Variants in AARD observed in about 807,000 individuals in gnomAD.
The protein encoded by AARD is alanine and arginine rich domain containing protein, also known as alanine- and arginine-rich domain-containing protein.
A neutral mutation model predicts 9.3 loss-of-function variants in AARD; 9 were observed. The ratio of observed to expected loss-of-function variants is 0.97; its 90% CI spans 0.58 to 1.69. The LOEUF (loss-of-function observed/expected upper bound fraction) is 1.69. AARD is among the 40% of genes most tolerant of loss of function. The pLI is 0.00. For missense variants in AARD, 236 were observed against 210.3 expected (o/e 1.12, Z -0.76); for synonymous variants, 91 against 93.8 (o/e 0.97, Z 0.17).
Position 116,943,474 on chromosome 8 carries a change from C to CTG in AARD, c.*776_*777dup, listed in dbSNP as rs879292313. 14 of 152,188 alleles carry CTG rather than the reference C, an allele frequency of 9.2e-5. No individual in the cohort carries two copies. Among genetic ancestry groups the CTG allele is most frequent in the Admixed American group, 5.9e-4 (9 of 15,280 alleles). 9.4% of individuals were successfully genotyped at this position (152,188 alleles called of 1,614,324 possible). A position where few individuals can be genotyped will look rare whatever the true frequency, so the allele number is the denominator to read the frequency against. ...ATTCTAACCATGCCCTTTAGGTGGTCTGTGACTAAGGGTATTCCATCTTCC... is the reference window on the plus strand; with the variant it reads ...ATTCTAACCATGCCCTTTAGGTGGTCTGTGTGACTAAGGGTATTCCATCTTCC... On this transcript the variant is annotated 3_prime_UTR_variant, in exon 2 of 2. Coordinates refer to ENST00000378279, the MANE Select transcript of AARD (RefSeq NM_001025357.3).
At chr8:116,941,386 A>G (rs1022647781) in intron 1 of AARD, among the ~76,000 whole-genome samples, 2 of 152,232 alleles carry the variant, frequency 1.3e-5, no homozygotes, top group Non-Finnish European at 2.9e-5. Flanking sequence ...GGGACTGGCA[A>G]GGTTTCTGAC....
In AARD at chr8:116,942,663, T is replaced by C. The variant is rs757228272; in HGVS notation, c.430T>C (p.Ser144Pro). Residue 144 changes from serine to proline, a missense_variant, in exon 2 of 2, where the codon TCC becomes CCC. Transcript: ENST00000378279. ...GTATGAACTGGAAATTACATCAGAC[T>C]CCCAAAGCCCAAAAGATGATGCTGC... ...KEYELEITSD[S>P]QSPKDDAANP... 7 of 1,613,670 alleles carry C rather than the reference T, an allele frequency of 4.3e-6. No homozygotes were observed. The highest frequency in any genetic ancestry group is 5.9e-6 in the Non-Finnish European group (7 of 1,179,940).
intron 1 of AARD, among the ~76,000 whole-genome samples, chr8:116,942,186 C>T (rs537071910): frequency 6.6e-6 from 1 of 151,820 alleles, no homozygotes; most frequent in South Asian, 2.1e-4. Flanking sequence ...TGGCTGTAGG[C>T]AGTTATCCTG....
intron 1 of AARD, among the ~76,000 whole-genome samples, chr8:116,940,346 G>A (rs1341273961): frequency 6.6e-6 from 1 of 152,050 alleles, no homozygotes; most frequent in Non-Finnish European, 1.5e-5. Context: ...GATTACTATA[G>A]ACCTTGGACT....
intron 1 of AARD, among the ~76,000 whole-genome samples, chr8:116,941,602 G>A (rs10100758): frequency 2.7e-3 from 409 of 152,332 alleles, no homozygotes; most frequent in African/African-American, 9.4e-3. Flanking sequence ...AATTCTTGCT[G>A]TCAGAAAAAT....
Position 116,944,406 on chromosome 8 carries a change from C to T in AARD, c.*1705C>T, listed in dbSNP as rs553348532. On this transcript the variant is annotated 3_prime_UTR_variant, in exon 2 of 2. Coordinates refer to ENST00000378279, the MANE Select transcript of AARD (RefSeq NM_001025357.3). ...CGAGATCATGCCCCTGCACTCCAGCCTGGGTGACAGAGGGGGACTTGGCCT... is the reference window on the plus strand; with the variant it reads ...CGAGATCATGCCCCTGCACTCCAGCTTGGGTGACAGAGGGGGACTTGGCCT... 2 of 152,148 alleles carry T rather than the reference C, an allele frequency of 1.3e-5. No homozygotes were observed. Among genetic ancestry groups the T allele is most frequent in the African/African-American group, 2.4e-5 (1 of 41,420 alleles). 9.4% of individuals were successfully genotyped at this position (152,148 alleles called of 1,614,324 possible).
rs1209874164 is a variant in AARD at position 116,944,043 on chromosome 8, T to C, written c.*1342T>C. The C allele has an allele frequency of 6.6e-6, 1 of 152,192 alleles. No individual in the cohort carries two copies. The highest frequency in any genetic ancestry group is 1.5e-5 in the Non-Finnish European group (1 of 68,046). 9.4% of individuals were successfully genotyped at this position (152,192 alleles called of 1,614,324 possible). ...TATTGTCTGCAAAATACAAATTAATTTATAACAAGCTATGTAATTTTAATA... is the reference window on the plus strand; with the variant it reads ...TATTGTCTGCAAAATACAAATTAATCTATAACAAGCTATGTAATTTTAATA... On this transcript the variant is annotated 3_prime_UTR_variant, in exon 2 of 2. Coordinates refer to ENST00000378279, the MANE Select transcript of AARD (RefSeq NM_001025357.3).
intron 1 of AARD, among the ~76,000 whole-genome samples, chr8:116,940,975 T>A (rs544002950): frequency 1.3e-5 from 2 of 152,304 alleles, no homozygotes; most frequent in South Asian, 4.1e-4. Context: ...TGGTAAATCA[T>A]TACCAATAAT....
rs1813697572 is a variant in AARD, at chr8:116,938,378, C to T, written c.135C>T (p.Ile45=). 3 of 1,612,688 alleles carry T rather than the reference C, an allele frequency of 1.9e-6. No homozygotes were observed. The highest frequency in any genetic ancestry group is 1.7e-6 in the Non-Finnish European group (2 of 1,179,890). Reference sequence around the variant, plus strand: ...TCGGGGACGGCAGGAGCACGGACATCCAGGAGGAGGCCCTCGCCGCCAGCC... The same window carrying T: ...TCGGGGACGGCAGGAGCACGGACATTCAGGAGGAGGCCCTCGCCGCCAGCC... The part of the protein sequence containing the change: ...DFFGDGRSTD[I]QEEALAASPL... The change falls in exon 1 of 2, where the codon ATC becomes ATT. Residue 45 remains isoleucine, a synonymous_variant. Transcript: ENST00000378279.
chr8:116,939,384 C>G (rs1231441278), intron 1 of AARD, among the ~76,000 whole-genome samples: 3 of 152,188 alleles, frequency 2.0e-5, no homozygotes, highest in African/African-American at 7.2e-5. Flanking sequence ...GTAATCCTAG[C>G]TCTTTGGGAG....
At chr8:116,941,346 A>G (rs1451592196) in intron 1 of AARD, among the ~76,000 whole-genome samples, 1 of 152,200 alleles carries the variant, frequency 6.6e-6, no homozygotes, top group East Asian at 1.9e-4. Flanking sequence ...GGGGACAGAA[A>G]GAGGTGAGCT....
Position 116,938,395 on chromosome 8 carries a change from C to T in AARD, c.152C>T (p.Ala51Val). 1 of 1,612,300 alleles carries T rather than the reference C, an allele frequency of 6.2e-7. No homozygotes were observed. The highest frequency in any genetic ancestry group is 8.5e-7 in the Non-Finnish European group (1 of 1,179,752). ...RSTDIQEEAL[A>V]ASPLLEDLRR... ...ACGGACATCCAGGAGGAGGCCCTCGCCGCCAGCCCGCTGCTGGAGGACCTC... is the reference window on the plus strand; with the variant it reads ...ACGGACATCCAGGAGGAGGCCCTCGTCGCCAGCCCGCTGCTGGAGGACCTC... The change falls in exon 1 of 2, where the codon GCC (alanine) becomes GTC (valine). Residue 51 changes from alanine to valine, a missense_variant. By Grantham distance (64) the Ala-to-Val change is moderately conservative. Transcript: ENST00000378279.
Position 116,938,233 on chromosome 8 carries a change from G to C in AARD, c.-11G>C. The C allele has an allele frequency of 6.3e-7, 1 of 1,581,450 alleles. No individual in the cohort carries two copies. The highest frequency in any genetic ancestry group is 8.6e-7 in the Non-Finnish European group (1 of 1,163,040). Reference sequence around the variant, plus strand: ...GCAGCAGCGGTAGAGCAGTGACCAGGCGTCTCCGCGATGGGCCCCGGGGAC... The same window carrying C: ...GCAGCAGCGGTAGAGCAGTGACCAGCCGTCTCCGCGATGGGCCCCGGGGAC... On this transcript the variant is annotated 5_prime_UTR_variant, in exon 1 of 2. Coordinates refer to ENST00000378279, the MANE Select transcript of AARD (RefSeq NM_001025357.3).
At chr8:116,942,365 C>T (rs889615023) in intron 1 of AARD, among the ~76,000 whole-genome samples, 193 bp from the exon 2 acceptor site, 1 of 152,068 alleles carries the variant, frequency 6.6e-6, no homozygotes, top group Non-Finnish European at 1.5e-5. Context: ...TGGATTTTAC[C>T]TTGTCATATA....
At chr8:116,939,032 C>T (rs187644183) in intron 1 of AARD, among the ~76,000 whole-genome samples, 1 of 152,196 alleles carries the variant, frequency 6.6e-6, no homozygotes, top group Admixed American at 6.5e-5. Flanking sequence ...AAAATTGCAC[C>T]ATTTCGAACA....
chr8:116,940,061 C>T lies in AARD; in HGVS notation c.324+1494C>T, dbSNP rs117444270. 1.0e-2 allele frequency among the ~76,000 whole-genome samples: 1,517 copies of T among 152,272 alleles called. 11 individuals are homozygous for T. Among genetic ancestry groups the T allele is most frequent in the Non-Finnish European group, 0.013 (878 of 68,018 alleles). On this transcript the variant is annotated intron_variant, in intron 1 of 1. Transcript: ENST00000378279. Reference sequence around the variant, plus strand: ...TGTTGGGGGTGGCAATAAAATCTCACGAGATCGGGTGCGTTCAGGGTGGTA... The same window carrying T: ...TGTTGGGGGTGGCAATAAAATCTCATGAGATCGGGTGCGTTCAGGGTGGTA...
chr8:116,942,155 C>T (rs1813752192), intron 1 of AARD, among the ~76,000 whole-genome samples: 1 of 152,132 alleles, frequency 6.6e-6, no homozygotes, highest in Non-Finnish European at 1.5e-5. Context: ...AAGTAAATAG[C>T]ACAGATTCTG....
intron 1 of AARD, among the ~76,000 whole-genome samples, chr8:116,941,857 A>C (rs992984319): frequency 5.3e-5 from 8 of 152,202 alleles, no homozygotes; most frequent in African/African-American, 1.9e-4. Context: ...GTAGTTGATC[A>C]TTAGTTTTCA....
rs1486382892 is a variant in AARD at position 116,938,517 on chromosome 8, C to G, written c.274C>G (p.Gln92Glu). The change falls in exon 1 of 2, where the codon CAG (glutamine) becomes GAG (glutamate). Residue 92 changes from glutamine to glutamate, a missense_variant. Physicochemically the swap from Gln to Glu is conservative, Grantham distance 29. Transcript: ENST00000378279. ...AAAAAAAREE[Q>E]SWTGVEATLA... ...GGCGGCGGCGGCGGCGCGGGAGGAG[C>G]AGAGCTGGACGGGCGTTGAGGCCAC... The G allele has an allele frequency of 9.3e-6, 14 of 1,502,052 alleles. No homozygotes were observed. Among genetic ancestry groups the G allele is most frequent in the Admixed American group, 2.3e-5 (1 of 44,438 alleles). 93.0% of individuals were successfully genotyped at this position (1,502,052 alleles called of 1,614,324 possible).
Sources: allele counts gnomAD v4.1 joint callset (sites outside exome capture counted in the v4.1 genomes callset), GRCh38; gene constraint gnomAD v4.1.1; transcripts MANE v1.5; gene names NCBI Gene and HGNC (gene_info 2026-07-23, HGNC 2026-07-21).